Variants in RBFOX1 observed in about 807,000 individuals in gnomAD.
The protein encoded by RBFOX1 is RNA binding protein fox-1 homolog 1.
Under a neutral mutation model 57.7 loss-of-function variants are expected in RBFOX1, and 8 were observed. The ratio of observed to expected loss-of-function variants is 0.14; its 90% CI spans 0.08 to 0.25. RBFOX1 has a LOEUF of 0.25. Among genes scored for constraint, RBFOX1 ranks in the 10% least tolerant of loss-of-function variants. The pLI is 1.00. For missense variants in RBFOX1, 611 were observed against 548.5 expected (o/e 1.11, Z -1.14); for synonymous variants, 326 against 222.4 (o/e 1.47, Z -4.15).
In RBFOX1 at chr16:6,244,603, C is replaced by T. The variant is rs978071269; in HGVS notation, c.-126-72392C>T. 3.6e-4 allele frequency among the ~76,000 whole-genome samples: 54 copies of T among 152,086 alleles called. 2 individuals are homozygous for T. The highest frequency in any genetic ancestry group is 1.5e-5 in the Non-Finnish European group (1 of 67,996). ...ACTGCAATGTTCGCCTCTTGGGTCCCAGTTCAAGCAATTCTCCTGCCTCAG... is the reference window on the plus strand; with the variant it reads ...ACTGCAATGTTCGCCTCTTGGGTCCTAGTTCAAGCAATTCTCCTGCCTCAG... On this transcript the variant is annotated intron_variant, in intron 1 of 15. Coordinates refer to ENST00000550418, the MANE Select transcript of RBFOX1 (RefSeq NM_018723.4).
chr16:6,057,668 T>C (rs1164623529), intron 1 of RBFOX1, among the ~76,000 whole-genome samples: 1 of 152,098 alleles, frequency 6.6e-6, no homozygotes, highest in African/African-American at 2.4e-5. Flanking sequence ...TCGAGATTTT[T>C]GGGAGAGATG....
At chr16:5,976,868 A>G (rs1452242765) in intron 4 of RBFOX1, among the ~76,000 whole-genome samples, 2 of 152,156 alleles carry the variant, frequency 1.3e-5, no homozygotes, top group African/African-American at 4.8e-5. Flanking sequence ...GACTCTGTCA[A>G]TCAATGTATC....
chr16:7,540,986 C>T (rs1022442599), intron 5 of RBFOX1, among the ~76,000 whole-genome samples: 1 of 152,150 alleles, frequency 6.6e-6, no homozygotes, highest in Non-Finnish European at 1.5e-5. Flanking sequence ...AGGTTTAGCT[C>T]TCTCAGAGGT....
chr16:5,323,570 A>G (rs1316385389), intron 1 of RBFOX1, among the ~76,000 whole-genome samples: 2 of 152,236 alleles, frequency 1.3e-5, no homozygotes, highest in Non-Finnish European at 2.9e-5. Context: ...TGCTAGCGTC[A>G]GATTAATTAG....
At chr16:5,559,871 C>G (rs1040604817) in intron 2 of RBFOX1, among the ~76,000 whole-genome samples, 4 of 151,828 alleles carry the variant, frequency 2.6e-5, no homozygotes, top group African/African-American at 7.3e-5. Context: ...ACCCTTAACT[C>G]TAGCGTGCTG....
At chr16:7,036,362 G>C (rs1430959867) in intron 3 of RBFOX1, among the ~76,000 whole-genome samples, 1 of 152,066 alleles carries the variant, frequency 6.6e-6, no homozygotes, top group Admixed American at 6.6e-5. Flanking sequence ...CTGTGTTATA[G>C]GAAAGGGGTC....
intron 2 of RBFOX1, among the ~76,000 whole-genome samples, chr16:5,503,645 T>C (rs567444726): frequency 1.3e-5 from 2 of 152,140 alleles, no homozygotes; most frequent in Non-Finnish European, 2.9e-5. Context: ...GGTTTCCCCA[T>C]GTTGGTCAGG....
intron 2 of RBFOX1, among the ~76,000 whole-genome samples, chr16:6,512,669 G>A (rs912465785): frequency 6.6e-6 from 1 of 152,166 alleles, no homozygotes; most frequent in Non-Finnish European, 1.5e-5. Flanking sequence ...AGGCTTTCTA[G>A]TTCAGTCCCC....
chr16:6,280,225 C>T (rs1042312711), intron 1 of RBFOX1, among the ~76,000 whole-genome samples: 5 of 152,100 alleles, frequency 3.3e-5, no homozygotes, highest in South Asian at 2.1e-4. Context: ...TCTGTTGGTC[C>T]GTGGCCTGAG....
intron 4 of RBFOX1, among the ~76,000 whole-genome samples, chr16:5,932,824 T>C (rs553967217): frequency 1.8e-4 from 28 of 152,134 alleles, no homozygotes; most frequent in African/African-American, 6.5e-4. Flanking sequence ...TTCTCCCTGC[T>C]CTTTGGCCCC....
rs376149032 is a variant in RBFOX1, at chr16:6,530,009, AT to A, written c.-63-124591del. On this transcript the variant is annotated intron_variant, in intron 2 of 15. Transcript: ENST00000550418. Reference sequence around the variant, plus strand: ...GTTATTAGATATAGTCTCAATGGGTATTTATGTCTCTGTCATTTTCTCTTTC... The same window carrying A: ...GTTATTAGATATAGTCTCAATGGGTATTATGTCTCTGTCATTTTCTCTTTC... Among the ~76,000 whole-genome samples, 173 of 152,188 alleles carry A rather than the reference AT, an allele frequency of 1.1e-3. No homozygotes were observed. In the Middle Eastern group the frequency reaches 0.027, roughly 24 times the overall value.
intron 4 of RBFOX1, among the ~76,000 whole-genome samples, chr16:7,287,137 A>G (rs946623266): frequency 6.6e-5 from 10 of 152,330 alleles, no homozygotes; most frequent in South Asian, 2.1e-4. Flanking sequence ...TGGAGTTAGC[A>G]CAGTACTTAA....
intron 1 of RBFOX1, among the ~76,000 whole-genome samples, chr16:6,028,425 C>G (rs1173140837): frequency 1.3e-5 from 2 of 148,300 alleles, no homozygotes; most frequent in African/African-American, 5.0e-5. Flanking sequence ...GCAATCCCAA[C>G]ACTTTGGGAG....
At chr16:7,416,424 G>C (rs193272914) in intron 4 of RBFOX1, among the ~76,000 whole-genome samples, 3 of 152,196 alleles carry the variant, frequency 2.0e-5, no homozygotes, top group South Asian at 2.1e-4. Flanking sequence ...TGAGTGCCTG[G>C]GAGTCACCCC....
rs115800209 is a variant in RBFOX1 at position 7,047,802 on chromosome 16, A to G, written c.-15-4255A>G. On this transcript the variant is annotated intron_variant, in intron 3 of 15. Transcript: ENST00000550418. ...AGAATGGATACTTTTTATGTACTCA[A>G]GTTTACTTCTTTTTCTTCTGTTGTC... is the stretch of plus-strand genomic sequence containing the variant. 9.6e-3 allele frequency among the ~76,000 whole-genome samples: 1,127 copies of G among 117,488 alleles called. 22 individuals are homozygous for G. Among genetic ancestry groups the G allele is most frequent in the African/African-American group, 0.034 (1,073 of 31,976 alleles). The allele number at this position is 117,488 out of a possible 152,430, so 77.1% of individuals were successfully genotyped here. A position where few individuals can be genotyped will look rare whatever the true frequency, so the allele number is the denominator to read the frequency against.
At position 5,660,497 on chromosome 16, in the gene RBFOX1, G is replaced by A. The variant is rs540052809; in HGVS notation, c.318+61536G>A. On this transcript the variant is annotated intron_variant, in intron 3 of 19. Transcript: ENST00000641259. ...GCAATGTGAGTCATGAATGCCATAC[G>A]TTGTGTGTGATGCGTTCTTTTAGGT... Among the ~76,000 whole-genome samples the A allele has an allele frequency of 4.0e-4, 61 of 152,304 alleles. 2 individuals are homozygous for A. Among genetic ancestry groups the A allele is most frequent in the Non-Finnish European group, 4.1e-4 (28 of 68,026 alleles).
In RBFOX1 at chr16:5,947,925, A is replaced by G. The variant is rs1045387429; in HGVS notation, c.351+80590A>G. Among the ~76,000 whole-genome samples the G allele has an allele frequency of 1.3e-5, 2 of 152,260 alleles. No individual in the cohort carries two copies. The highest frequency in any genetic ancestry group is 2.9e-5 in the Non-Finnish European group (2 of 68,050). ...TGAATGGCTCTGCTCATTATGGTACAGAATTTTAATTTGCAAATGCATCAC... is the reference window on the plus strand; with the variant it reads ...TGAATGGCTCTGCTCATTATGGTACGGAATTTTAATTTGCAAATGCATCAC... On this transcript the variant is annotated intron_variant, in intron 4 of 19. Transcript: ENST00000641259. The surrounding 1 kb of genome is among the most constrained non-coding windows in gnomAD (Gnocchi z 7.2).
intron 10 of RBFOX1, among the ~76,000 whole-genome samples, chr16:7,624,381 G>C (rs189054662): frequency 1.3e-5 from 2 of 152,190 alleles, no homozygotes; most frequent in African/African-American, 2.4e-5. Context: ...TTAGTGAGCA[G>C]TGTGACTAAT....
At chr16:7,614,570 A>C (rs2058106221) in intron 10 of RBFOX1, 2 of 152,218 alleles carry the variant, frequency 1.3e-5, no homozygotes, top group South Asian at 4.1e-4. Flanking sequence ...GAAGTCTGTC[A>C]AGAACTGCTC....
Sources: gnomAD v4.1 joint callset for allele counts (sites outside exome capture counted in the v4.1 genomes callset) on GRCh38, gnomAD v4.1.1 for gene constraint, Gnocchi (gnomAD v3.1) non-coding constraint, MANE v1.5 for transcripts, NCBI Gene and HGNC (gene_info 2026-07-23, HGNC 2026-07-21) for gene names.